Variants in FRMPD4 observed in about 807,000 individuals in gnomAD.
FRMPD4 encodes the protein FERM and PDZ domain containing 4, also known as FERM and PDZ domain-containing protein 4.
FRMPD4 carries 22 observed loss-of-function variants against 94.1 expected under a neutral mutation model. The observed-to-expected ratio is 0.23, with a 90% CI of 0.17 to 0.33. The LOEUF (loss-of-function observed/expected upper bound fraction) is 0.33, where lower values mean the gene tolerates loss of function less well. Ranked by LOEUF, FRMPD4 falls within the 10% of genes least tolerant of loss-of-function variation. FRMPD4 has a pLI of 1.00. For synonymous variants in FRMPD4, 631 were observed against 548.6 expected, an observed-to-expected ratio of 1.15 and a Z score of -2.10; for missense variants, 1,111 against 1,339.9, an observed-to-expected ratio of 0.83 and a Z score of 2.67.
At chrX:12,537,038 C>T (rs1379631419) in intron 2 of FRMPD4, among the ~76,000 whole-genome samples, 1 of 111,215 alleles carries the variant, frequency 9.0e-6, no homozygotes. Flanking sequence ...CCTCACTTCC[C>T]TTCTCCTATT....
Position 12,419,295 on chromosome X carries a change from T to C in FRMPD4, c.42-79385T>C, listed in dbSNP as rs935972280. ...CTGTCTCCTATAGTACTGCAACAGA[T>C]TGAATCCAGAAGCCGATAGAAAAAA... is the stretch of plus-strand genomic sequence containing the variant. On this transcript the variant is annotated intron_variant, in intron 1 of 16. Transcript: ENST00000675598. Among the ~76,000 whole-genome samples the C allele has an allele frequency of 4.5e-5, 5 of 111,721 alleles. No homozygotes were observed. The East Asian group carries it at 8.4e-4, about 19-fold the overall frequency.
chrX:12,102,172 A>T (rs2055261071), intron 3 of FRMPD4, among the ~76,000 whole-genome samples: 1 of 111,839 alleles, frequency 8.9e-6, no homozygotes, highest in African/African-American at 3.2e-5. Flanking sequence ...CTTCATGTAA[A>T]TGTGGGCCTT....
At chrX:11,973,552 G>C (rs1218455147) in intron 3 of FRMPD4, among the ~76,000 whole-genome samples, 1 of 112,004 alleles carries the variant, frequency 8.9e-6, no homozygotes, top group African/African-American at 3.3e-5. Context: ...GCAAAAGTTT[G>C]AGAATCACTG....
intron 3 of FRMPD4, among the ~76,000 whole-genome samples, chrX:12,068,404 T>C (rs1307684504): frequency 8.9e-6 from 1 of 112,186 alleles, no homozygotes; most frequent in Non-Finnish European, 1.9e-5. Context: ...AAGCTACTTT[T>C]CTCTGATTAT....
At position 12,241,624 on chromosome X, in the gene FRMPD4, G is replaced by A. The variant is rs762666965; in HGVS notation, c.41+102612G>A. On this transcript the variant is annotated intron_variant, in intron 1 of 16. Transcript: ENST00000675598. ...TATAGAGAAAGGAAAATAAGGCCTG[G>A]CACACTGGCTCACGCCTGTAAACCC... Among the ~76,000 whole-genome samples, 428 of 111,835 alleles carry A rather than the reference G, an allele frequency of 3.8e-3. 1 individual carries two copies. The highest frequency in any genetic ancestry group is 0.013 in the African/African-American group (414 of 30,811).
At chrX:12,612,876 A>G (rs1279517739) in intron 3 of FRMPD4, among the ~76,000 whole-genome samples, 1 of 112,112 alleles carries the variant, frequency 8.9e-6, no homozygotes, top group African/African-American at 3.2e-5. Flanking sequence ...CCACATCTGT[A>G]AAATGAATAT....
intron 1 of FRMPD4, among the ~76,000 whole-genome samples, chrX:12,249,174 C>G (rs11798402): frequency 0.11 from 12,250 of 112,101 alleles, 603 homozygotes; most frequent in South Asian, 0.25. Flanking sequence ...TATGTTGTAT[C>G]ATATGCTGTG....
At chrX:12,089,623 T>G (rs1202518428) in intron 3 of FRMPD4, among the ~76,000 whole-genome samples, 1 of 112,237 alleles carries the variant, frequency 8.9e-6, no homozygotes, top group Non-Finnish European at 1.9e-5. Flanking sequence ...GTTCAAGTCT[T>G]TCATCCATTT....
intron 4 of FRMPD4, among the ~76,000 whole-genome samples, chrX:12,668,453 A>G (rs971119957): frequency 6.3e-4 from 70 of 111,453 alleles, no homozygotes; most frequent in African/African-American, 2.1e-3. Flanking sequence ...AAGCATTACT[A>G]TAGCTGTAAA....
At chrX:11,861,650 A>G (rs1199843723) in intron 1 of FRMPD4, among the ~76,000 whole-genome samples, 3 of 111,452 alleles carry the variant, frequency 2.7e-5, no homozygotes, top group African/African-American at 9.8e-5. Flanking sequence ...AAAACTTACA[A>G]CAACTAAAGC....
At chrX:12,051,214 G>C (rs1241324239) in intron 3 of FRMPD4, among the ~76,000 whole-genome samples, 1 of 112,034 alleles carries the variant, frequency 8.9e-6, no homozygotes, top group Non-Finnish European at 1.9e-5. Flanking sequence ...ACTTTAGAGA[G>C]TGTAGAGAGA....
intron 3 of FRMPD4, among the ~76,000 whole-genome samples, chrX:12,022,910 G>A (rs756446182): frequency 2.9e-4 from 32 of 110,592 alleles, no homozygotes; most frequent in Non-Finnish European, 5.5e-4. Flanking sequence ...TGCCACTATC[G>A]ATGTGACTTG....
chrX:11,929,747 T>A (rs1486687174), intron 3 of FRMPD4, among the ~76,000 whole-genome samples: 1 of 111,240 alleles, frequency 9.0e-6, no homozygotes, highest in African/African-American at 3.3e-5. Flanking sequence ...AGAGGTGACA[T>A]TTGAGCTGGC....
intron 3 of FRMPD4, among the ~76,000 whole-genome samples, chrX:12,033,917 G>A (rs1051987206): frequency 5.4e-5 from 6 of 111,729 alleles, no homozygotes. Flanking sequence ...GGCTGGTCTC[G>A]AACTCCTGAC....
At chrX:12,430,548 T>A (rs1358896494) in intron 1 of FRMPD4, among the ~76,000 whole-genome samples, 1 of 112,322 alleles carries the variant, frequency 8.9e-6, no homozygotes, top group African/African-American at 3.2e-5. Flanking sequence ...GGATGAATGA[T>A]ACTTATTTTG....
At chrX:12,653,981 G>A (rs756583891) in intron 4 of FRMPD4, among the ~76,000 whole-genome samples, 6 of 111,802 alleles carry the variant, frequency 5.4e-5, no homozygotes, top group Non-Finnish European at 9.4e-5. Flanking sequence ...TGGTCAGGCT[G>A]GTCTCAAACT....
chrX:12,000,505 T>C (rs1210547436), intron 3 of FRMPD4, among the ~76,000 whole-genome samples: 2 of 112,088 alleles, frequency 1.8e-5, no homozygotes, highest in African/African-American at 6.5e-5. Context: ...AGTTCGAAGA[T>C]AGATGATTGG....
chrX:12,353,327 C>G (rs2055843899), intron 1 of FRMPD4, among the ~76,000 whole-genome samples: 1 of 112,243 alleles, frequency 8.9e-6, no homozygotes, highest in Admixed American at 9.4e-5. Flanking sequence ...CACTCAAACA[C>G]TTTCTCTGCA....
At chrX:12,035,370 G>T (rs2054715285) in intron 3 of FRMPD4, among the ~76,000 whole-genome samples, 1 of 111,627 alleles carries the variant, frequency 9.0e-6, no homozygotes, top group East Asian at 2.8e-4. Flanking sequence ...GAAGGGAAAA[G>T]TGAACAATCA....
Sources: gnomAD v4.1 joint callset for allele counts (sites outside exome capture counted in the v4.1 genomes callset) on GRCh38, gnomAD v4.1.1 for gene constraint, MANE v1.5 for transcripts, NCBI Gene and HGNC (gene_info 2026-07-23, HGNC 2026-07-21) for gene names.